The following TMEM117 variants were observed in gnomAD, a reference collection of about 807,000 sequenced individuals.
TMEM117 encodes transmembrane protein 117.
TMEM117 carries 27 observed loss-of-function variants against 52.4 expected under a neutral mutation model. The ratio of observed to expected loss-of-function variants is 0.51; its 90% CI spans 0.38 to 0.71. TMEM117 has a LOEUF of 0.71. Ranked by LOEUF, TMEM117 falls within the 30% of genes least tolerant of loss-of-function variation. TMEM117 has a pLI of 0.00. For synonymous variants in TMEM117, 215 were observed against 206.3 expected (o/e 1.04, Z -0.36); for missense variants, 556 against 630.5 (o/e 0.88, Z 1.26).
At chr12:44,251,096 T>G (rs907141977) in intron 5 of TMEM117, among the ~76,000 whole-genome samples, 1 of 152,180 alleles carries the variant, frequency 6.6e-6, no homozygotes, top group Non-Finnish European at 1.5e-5. Context: ...TATTGTCTTG[T>G]CCAAGATGCC....
intron 3 of TMEM117, among the ~76,000 whole-genome samples, chr12:44,094,731 A>C (rs1947728971): frequency 6.6e-6 from 1 of 152,084 alleles, no homozygotes. Flanking sequence ...ATTTCTAAAA[A>C]TTCACTCACT....
chr12:44,363,694 T>C (rs1482123522), intron 6 of TMEM117, among the ~76,000 whole-genome samples: 1 of 152,220 alleles, frequency 6.6e-6, no homozygotes, highest in Non-Finnish European at 1.5e-5. Flanking sequence ...AACACCCAAA[T>C]GTTCTTCCTA....
intron 3 of TMEM117, among the ~76,000 whole-genome samples, chr12:44,040,401 C>T (rs77096923): frequency 0.016 from 2,411 of 152,038 alleles, 26 homozygotes; most frequent in Middle Eastern, 0.045. Context: ...TGTTTTTGTG[C>T]GACTGTTATA....
At chr12:44,199,732 C>T (rs564668474) in intron 4 of TMEM117, among the ~76,000 whole-genome samples, 1 of 152,268 alleles carries the variant, frequency 6.6e-6, no homozygotes, top group East Asian at 1.9e-4. Flanking sequence ...CTGTAATTTT[C>T]ATGAGATGGG....
At chr12:43,986,538 C>T (rs921295709) in intron 3 of TMEM117, among the ~76,000 whole-genome samples, 2 of 152,116 alleles carry the variant, frequency 1.3e-5, no homozygotes, top group Non-Finnish European at 2.9e-5. Flanking sequence ...AAGTTCTGCA[C>T]TTCACTACAG....
chr12:44,168,064 G>A (rs113729037), intron 4 of TMEM117, among the ~76,000 whole-genome samples: 2,888 of 152,128 alleles, frequency 0.019, 80 homozygotes, highest in African/African-American at 0.066. Context: ...GACCAGCCTG[G>A]CCAATATGGT....
intron 2 of TMEM117, among the ~76,000 whole-genome samples, chr12:43,935,172 A>T (rs1242952874): frequency 6.6e-6 from 1 of 152,030 alleles, no homozygotes; most frequent in Non-Finnish European, 1.5e-5. Context: ...ATGCCTGGCT[A>T]ATTTTTTGTA....
At chr12:43,934,127 A>G (rs1944914611) in intron 2 of TMEM117, among the ~76,000 whole-genome samples, 1 of 152,222 alleles carries the variant, frequency 6.6e-6, no homozygotes, top group Non-Finnish European at 1.5e-5. Context: ...GATTCCGTCA[A>G]AATTAGAGAA....
intron 4 of TMEM117, among the ~76,000 whole-genome samples, chr12:44,174,120 T>G (rs893087188): frequency 3.3e-5 from 5 of 152,316 alleles, no homozygotes; most frequent in Non-Finnish European, 7.4e-5. Flanking sequence ...CCCAGATTTC[T>G]TTTCTTGACA....
At chr12:44,174,134 T>G (rs950808435) in intron 4 of TMEM117, among the ~76,000 whole-genome samples, 1 of 152,198 alleles carries the variant, frequency 6.6e-6, no homozygotes, top group African/African-American at 2.4e-5. Flanking sequence ...CTTGACACTA[T>G]AATCTAAGCA....
chr12:44,311,727 G>A (rs1021618804), intron 6 of TMEM117, among the ~76,000 whole-genome samples: 2 of 135,452 alleles, frequency 1.5e-5, no homozygotes, highest in African/African-American at 2.8e-5. Flanking sequence ...ATATATATAT[G>A]TATATATATA....
intron 4 of TMEM117, among the ~76,000 whole-genome samples, chr12:44,199,951 C>T (rs1295284201): frequency 6.6e-6 from 1 of 152,046 alleles, no homozygotes; most frequent in East Asian, 1.9e-4. Context: ...AATCCCATCT[C>T]TACTAAAAAT....
chr12:43,833,048 A>G (rs1465012246), upstream of TMEM117, among the ~76,000 whole-genome samples: 1 of 152,226 alleles, frequency 6.6e-6, no homozygotes, highest in Admixed American at 6.5e-5. Flanking sequence ...GTCAGTGGTT[A>G]AAAAGGGAAC....
At chr12:44,162,872 C>A (rs541749263) in intron 4 of TMEM117, among the ~76,000 whole-genome samples, 1 of 152,228 alleles carries the variant, frequency 6.6e-6, no homozygotes, top group East Asian at 1.9e-4. Flanking sequence ...TTAAAAATAG[C>A]CTTTTCAAGT....
At chr12:44,102,014 G>A (rs1253422212) in intron 3 of TMEM117, among the ~76,000 whole-genome samples, 1 of 151,972 alleles carries the variant, frequency 6.6e-6, no homozygotes, top group East Asian at 1.9e-4. Flanking sequence ...TCACTTTGAG[G>A]TGGGCTTGGG....
At chr12:44,015,150 A>C (rs1398996948) in intron 3 of TMEM117, among the ~76,000 whole-genome samples, 3 of 152,188 alleles carry the variant, frequency 2.0e-5, no homozygotes, top group Non-Finnish European at 4.4e-5. Context: ...TACTGTCTAC[A>C]AGATCTGTCC....
chr12:43,989,376 A>C (rs1945900424), intron 3 of TMEM117, among the ~76,000 whole-genome samples: 2 of 152,036 alleles, frequency 1.3e-5, no homozygotes, highest in African/African-American at 2.4e-5. Context: ...TTTCCTGATG[A>C]CTCATTTGTA....
intron 3 of TMEM117, among the ~76,000 whole-genome samples, chr12:44,083,415 T>TA (rs1947516104): frequency 1.4e-5 from 2 of 139,238 alleles, no homozygotes; most frequent in Non-Finnish European, 3.0e-5. Flanking sequence ...TTTTTTTTTT[T>TA]AGACATGGTT....
Position 44,059,241 on chromosome 12 carries a change from A to G in TMEM117, c.411-84284A>G, listed in dbSNP as rs536120496. On this transcript the variant is annotated intron_variant, in intron 3 of 7. Transcript: ENST00000266534. Reference sequence around the variant, plus strand: ...CTCAGGGATTGGGGACCCCTGATGTATGGTTTAGAAATAAATTAGGATAAT... The same window carrying G: ...CTCAGGGATTGGGGACCCCTGATGTGTGGTTTAGAAATAAATTAGGATAAT... Among the ~76,000 whole-genome samples the G allele has an allele frequency of 2.6e-4, 40 of 152,290 alleles. No homozygotes were observed. In the South Asian group the frequency reaches 5.0e-3, roughly 19 times the overall value.
Sources: allele counts gnomAD v4.1 joint callset (sites outside exome capture counted in the v4.1 genomes callset), GRCh38; gene constraint gnomAD v4.1.1; transcripts MANE v1.5; gene names NCBI Gene and HGNC (gene_info 2026-07-23, HGNC 2026-07-21).